Variants in TXLNB observed in about 807,000 individuals in gnomAD.
TXLNB encodes taxilin beta.
In TXLNB, 37 loss-of-function variants were observed where a neutral mutation model predicts 57.4. The ratio of observed to expected loss-of-function variants is 0.64; its 90% CI spans 0.50 to 0.85. The LOEUF (loss-of-function observed/expected upper bound fraction) is 0.85, where lower values mean the gene tolerates loss of function less well. Ranked by LOEUF, TXLNB falls within the 40% of genes least tolerant of loss-of-function variation. The pLI is 0.00. For missense variants in TXLNB, 848 were observed against 825.6 expected (o/e 1.03, Z -0.33); for synonymous variants, 302 against 309.6 (o/e 0.98, Z 0.26).
chr6:139,233,418 T>C, the TXLNB span, among the ~76,000 whole-genome samples: 1 of 140,716 alleles, frequency 7.1e-6, no homozygotes, highest in Non-Finnish European at 1.5e-5. Flanking sequence ...AATTTATATA[T>C]ATATAAATAA....
In TXLNB at chr6:139,240,100, A is replaced by G. The variant is rs1368383093; in HGVS notation, c.*2426T>C. 2.7e-5 allele frequency: 4 copies of G among 146,238 alleles called. No individual in the cohort carries two copies. Among genetic ancestry groups the G allele is most frequent in the Non-Finnish European group, 5.9e-5 (4 of 68,008 alleles). The allele number at this position is 146,238 out of a possible 1,614,324, so 9.1% of individuals were successfully genotyped here. ...TACCTTTTTAATAGATATATAAATT[A>G]TAGTTATTTAACTTAGAAAACAATA... On this transcript the variant is annotated 3_prime_UTR_variant, in exon 10 of 10. Coordinates refer to ENST00000358430, the MANE Select transcript of TXLNB (RefSeq NM_153235.4).
intron 6 of TXLNB, among the ~76,000 whole-genome samples, chr6:139,256,526 T>C (rs1776345248): frequency 6.6e-6 from 1 of 152,182 alleles, no homozygotes; most frequent in Non-Finnish European, 1.5e-5. Flanking sequence ...GACGGGGTTT[T>C]GCCATGTTGG....
chr6:139,172,733 C>T, the TXLNB span, among the ~76,000 whole-genome samples: 1 of 152,202 alleles, frequency 6.6e-6, no homozygotes, highest in Non-Finnish European at 1.5e-5. Context: ...AGACATGAAT[C>T]AGTCTGGACT....
At chr6:139,273,661 T>C (rs555011424) in intron 3 of TXLNB, among the ~76,000 whole-genome samples, 25 of 152,288 alleles carry the variant, frequency 1.6e-4, no homozygotes, top group African/African-American at 5.3e-4. Context: ...TCTTGCCATA[T>C]TGTCCAGGCT....
In TXLNB at chr6:139,242,039, GTATA is replaced by G; in HGVS notation, c.*483_*486del. 1 of 121,602 alleles carries G rather than the reference GTATA, an allele frequency of 8.2e-6. No homozygotes were observed. The highest frequency in any genetic ancestry group is 2.4e-4 in the South Asian group (1 of 4,222). The allele number at this position is 121,602 out of a possible 1,614,324, so 7.5% of individuals were successfully genotyped here. A position where few individuals can be genotyped will look rare whatever the true frequency, so the allele number is the denominator to read the frequency against. ...AATATTCACACATCTATACATACGT[GTATA>G]TATACATATAATAAGTACACACGTA... On this transcript the variant is annotated 3_prime_UTR_variant, in exon 10 of 10. Transcript: ENST00000358430.
At chr6:139,185,174 G>T in the TXLNB span, among the ~76,000 whole-genome samples, 2 of 151,890 alleles carry the variant, frequency 1.3e-5, no homozygotes, top group Non-Finnish European at 2.9e-5. Context: ...GGAGTCCTGG[G>T]GGCTACTGTG....
the TXLNB span, among the ~76,000 whole-genome samples, chr6:139,319,037 G>A: frequency 6.6e-6 from 1 of 150,536 alleles, no homozygotes; most frequent in East Asian, 2.0e-4. Context: ...CAGCCTGCTG[G>A]GTTCAAGAGA....
chr6:139,224,490 A>G, the TXLNB span, among the ~76,000 whole-genome samples: 7 of 152,084 alleles, frequency 4.6e-5, no homozygotes, highest in East Asian at 7.7e-4. Context: ...TCAAAAAAAA[A>G]TATTTGGTCT....
At chr6:139,236,971 T>C (rs1459497377), downstream of TXLNB, among the ~76,000 whole-genome samples, 7 of 152,076 alleles carry the variant, frequency 4.6e-5, no homozygotes, top group South Asian at 1.0e-3. Flanking sequence ...CTACAAACCC[T>C]GTGCGTAAAA....
chr6:139,166,327 G>T, the TXLNB span: 1 of 1,612,768 alleles, frequency 6.2e-7, no homozygotes, highest in Non-Finnish European at 8.5e-7. Flanking sequence ...TCGGTAGGCC[G>T]GTGGACCTGG....
chr6:139,165,247 A>C, the TXLNB span, among the ~76,000 whole-genome samples: 74 of 152,288 alleles, frequency 4.9e-4, 1 homozygote, highest in African/African-American at 1.6e-3. Context: ...TTTATTTCTC[A>C]TTTTAAAAAA....
chr6:139,160,091 G>A, the TXLNB span, among the ~76,000 whole-genome samples: 1 of 152,164 alleles, frequency 6.6e-6, no homozygotes, highest in Non-Finnish European at 1.5e-5. Flanking sequence ...TGGCCCAGGT[G>A]ACTGCAGCCT....
At chr6:139,191,736 T>C in the TXLNB span, among the ~76,000 whole-genome samples, 1 of 152,186 alleles carries the variant, frequency 6.6e-6, no homozygotes, top group African/African-American at 2.4e-5. Context: ...TTGGTTATCC[T>C]GGGTGTGGGG....
At chr6:139,276,973 A>T in intron 2 of TXLNB, 52 bp from the exon 3 acceptor site, 4 of 1,405,596 alleles carry the variant, frequency 2.8e-6, no homozygotes, top group Non-Finnish European at 3.9e-6. Context: ...CAGTCAGGTG[A>T]TAAGGGCTGG....
chr6:139,224,135 T>C, the TXLNB span, among the ~76,000 whole-genome samples: 2 of 150,454 alleles, frequency 1.3e-5, no homozygotes, highest in Non-Finnish European at 3.0e-5. Context: ...GATGAGTTCA[T>C]GTCCTTTGTA....
chr6:139,194,053 G>A, the TXLNB span, among the ~76,000 whole-genome samples: 1 of 151,492 alleles, frequency 6.6e-6, no homozygotes, highest in African/African-American at 2.4e-5. Flanking sequence ...GTGTTAGCCA[G>A]GATGGTCTCG....
At chr6:139,257,820 C>T (rs989918554) in intron 6 of TXLNB, among the ~76,000 whole-genome samples, 4 of 152,050 alleles carry the variant, frequency 2.6e-5, no homozygotes, top group Admixed American at 1.3e-4. Context: ...CTTCTTTTTC[C>T]TCATCTAAGT....
downstream of TXLNB, among the ~76,000 whole-genome samples, chr6:139,237,942 A>T (rs1775854763): frequency 6.6e-6 from 1 of 152,154 alleles, no homozygotes; most frequent in Admixed American, 6.6e-5. Context: ...TGGCCAGGTG[A>T]AGTAGCTTCT....
At chr6:139,266,179 G>C (rs369690214) in intron 4 of TXLNB, among the ~76,000 whole-genome samples, 9 of 152,248 alleles carry the variant, frequency 5.9e-5, no homozygotes, top group East Asian at 5.8e-4. Context: ...ACAATATCCA[G>C]GATCCAATAG....
Sources: gnomAD v4.1 joint callset for allele counts (sites outside exome capture counted in the v4.1 genomes callset) on GRCh38, gnomAD v4.1.1 for gene constraint, MANE v1.5 for transcripts, NCBI Gene and HGNC (gene_info 2026-07-23, HGNC 2026-07-21) for gene names.